GLYATL1: variants seen among roughly 807,000 people sequenced by gnomAD.
GLYATL1 encodes the protein glycine N-acyltransferase-like protein 1.
Under a neutral mutation model 20.0 loss-of-function variants are expected in GLYATL1, and 15 were observed. The observed-to-expected ratio is 0.75, with a 90% CI of 0.50 to 1.15. The LOEUF is 1.15. Among genes scored for constraint, GLYATL1 ranks in the 50% most tolerant of loss-of-function variants. The pLI is 0.00. For synonymous variants in GLYATL1, 151 were observed against 131.5 expected, an observed-to-expected ratio of 1.15 and a Z score of -1.01; for missense variants, 380 against 368.5, an observed-to-expected ratio of 1.03 and a Z score of -0.26.
chr11:58,955,854 C>G lies in GLYATL1; in HGVS notation c.736C>G (p.Arg246Gly). Residue 246 changes from arginine to glycine, a missense_variant, in exon 7 of 7, where the codon CGA becomes GGA. Arg to Gly is a moderately radical substitution (Grantham distance 125). Transcript: ENST00000532726. ...EKYRRTGNMA[R>G]VMVRYMKYLR... Reference sequence around the variant, plus strand: ...ATACCGAAGGACAGGCAACATGGCACGAGTGATGGTGCGATACATGAAATA... The same window carrying G: ...ATACCGAAGGACAGGCAACATGGCAGGAGTGATGGTGCGATACATGAAATA... 2 of 1,614,154 alleles carry G rather than the reference C, an allele frequency of 1.2e-6. No individual in the cohort carries two copies. The highest frequency in any genetic ancestry group is 2.2e-5 in the South Asian group (2 of 91,086).
chr11:58,915,364 G>A (rs1011015438), intron 1 of GLYATL1, among the ~76,000 whole-genome samples: 6 of 152,134 alleles, frequency 3.9e-5, no homozygotes, highest in Admixed American at 6.5e-5. Flanking sequence ...CAACAGAGCC[G>A]GGTCCTCCTT....
At chr11:58,922,743 T>G (rs1855338478), upstream of GLYATL1, among the ~76,000 whole-genome samples, 1 of 152,210 alleles carries the variant, frequency 6.6e-6, no homozygotes, top group African/African-American at 2.4e-5. Context: ...TGGGTTTGGC[T>G]TGAGCTACAA....
chr11:58,949,341 A>T (rs1283902977), intron 4 of GLYATL1, among the ~76,000 whole-genome samples: 2 of 152,188 alleles, frequency 1.3e-5, no homozygotes, highest in African/African-American at 4.8e-5. Context: ...TGAGGAACAA[A>T]GGGGTAAAGG....
chr11:58,935,111 T>C (rs118043922), upstream of GLYATL1: 736 of 152,702 alleles, frequency 4.8e-3, 3 homozygotes, highest in Middle Eastern at 0.034. Flanking sequence ...GAGCCTGGAG[T>C]CACTGGGGCT....
chr11:58,950,781 T>C (rs969989572), intron 4 of GLYATL1, among the ~76,000 whole-genome samples: 5 of 152,168 alleles, frequency 3.3e-5, no homozygotes, highest in Non-Finnish European at 5.9e-5. Flanking sequence ...TGGCATCTTA[T>C]TGTGGATTTA....
chr11:58,931,850 A>G (rs1201042741), intron 1 of GLYATL1, among the ~76,000 whole-genome samples: 1 of 152,158 alleles, frequency 6.6e-6, no homozygotes, highest in African/African-American at 2.4e-5. Context: ...AATCCAGTAG[A>G]AAAATTTGCA....
chr11:58,927,565 T>G (rs1010380194), upstream of GLYATL1: 1 of 152,440 alleles, frequency 6.6e-6, no homozygotes, highest in Admixed American at 6.5e-5. Flanking sequence ...GCCCCTCCCC[T>G]GCAGGCTAGC....
chr11:58,937,577 CTT>C (rs747754154), upstream of GLYATL1, among the ~76,000 whole-genome samples: 2 of 152,092 alleles, frequency 1.3e-5, no homozygotes, highest in Non-Finnish European at 2.9e-5. Flanking sequence ...TTTATTATGA[CTT>C]AGATTGAGAT....
chr11:58,910,979 C>T (rs1855025867), downstream of GLYATL1, among the ~76,000 whole-genome samples: 1 of 152,186 alleles, frequency 6.6e-6, no homozygotes, highest in South Asian at 2.1e-4. Flanking sequence ...GTGCTCCCCA[C>T]TTATCCCCTA....
rs748983027 is a variant in GLYATL1, at chr11:58,947,920, T to A, written c.141T>A (p.Asp47Glu). The change falls in exon 4 of 7, where the codon GAT becomes GAA. Residue 47 changes from aspartate (D) to glutamate (E), a missense_variant. Coordinates refer to ENST00000532726, the MANE Select transcript of GLYATL1 (RefSeq NM_001389712.2). ...GNPFNMEVLV[D>E]SWPEYQMVII... ...CCTTCAACATGGAGGTGCTGGTGGATTCCTGGCCTGAATATCAGATGGTTA... is the reference window on the plus strand; with the variant it reads ...CCTTCAACATGGAGGTGCTGGTGGAATCCTGGCCTGAATATCAGATGGTTA... 2.2e-5 allele frequency: 35 copies of A among 1,613,904 alleles called. 1 individual carries two copies. In the South Asian group the frequency reaches 3.8e-4, roughly 18 times the overall value.
upstream of GLYATL1, among the ~76,000 whole-genome samples, chr11:58,927,115 T>G (rs1223809483): frequency 6.6e-6 from 1 of 152,240 alleles, no homozygotes; most frequent in Non-Finnish European, 1.5e-5. Flanking sequence ...AAAGTTCTCC[T>G]CTAAGGGTAA....
At chr11:58,941,690 G>A (rs912915325) in intron 1 of GLYATL1, among the ~76,000 whole-genome samples, 8 of 152,162 alleles carry the variant, frequency 5.3e-5, no homozygotes, top group Non-Finnish European at 8.8e-5. Flanking sequence ...ACAGAATGCA[G>A]GCAGAAGAAA....
chr11:58,941,403 G>T (rs1327249857), intron 1 of GLYATL1, among the ~76,000 whole-genome samples: 2 of 151,974 alleles, frequency 1.3e-5, no homozygotes, highest in East Asian at 3.9e-4. Flanking sequence ...GTATTCCATG[G>T]TGTATATATG....
chr11:58,915,025 GCTCTGGCTCCTGT>G (rs1198146835), intron 1 of GLYATL1, among the ~76,000 whole-genome samples: 4 of 152,146 alleles, frequency 2.6e-5, no homozygotes, highest in Non-Finnish European at 4.4e-5. Context: ...TTACACCTAG[GCTCTGGCTCCTGT>G]CCTGGCCCTT....
chr11:58,906,902 T>A (rs145037012), intron 1 of GLYATL1, among the ~76,000 whole-genome samples: 9 of 152,210 alleles, frequency 5.9e-5, no homozygotes, highest in African/African-American at 1.4e-4. Flanking sequence ...CAGGTAAAAG[T>A]GCAGATTCCA....
chr11:58,921,087 C>T (rs1011077775), intron 1 of GLYATL1, among the ~76,000 whole-genome samples: 17 of 152,324 alleles, frequency 1.1e-4, no homozygotes, highest in Non-Finnish European at 2.2e-4. Context: ...CCTAATTGGC[C>T]TCCCAGAGGA....
At chr11:58,938,024 A>C (rs1004157320), upstream of GLYATL1, among the ~76,000 whole-genome samples, 12 of 152,230 alleles carry the variant, frequency 7.9e-5, no homozygotes, top group African/African-American at 2.7e-4. Context: ...TATGAAGTAC[A>C]CCAACACGTA....
intron 1 of GLYATL1, chr11:58,933,578 T>C (rs899360803): frequency 1.3e-5 from 2 of 152,242 alleles, no homozygotes; most frequent in African/African-American, 4.8e-5. Context: ...TTTAAATTCA[T>C]TATGAGACAG....
upstream of GLYATL1, among the ~76,000 whole-genome samples, chr11:58,924,945 G>A (rs564417476): frequency 1.5e-4 from 23 of 152,376 alleles, no homozygotes; most frequent in African/African-American, 5.3e-4. Flanking sequence ...AATAGGCAAA[G>A]TGAGAGAATT....
Sources: allele counts gnomAD v4.1 joint callset (sites outside exome capture counted in the v4.1 genomes callset), GRCh38; gene constraint gnomAD v4.1.1; transcripts MANE v1.5; gene names NCBI Gene and HGNC (gene_info 2026-07-23, HGNC 2026-07-21).